Variants in METTL16 observed in about 807,000 individuals in gnomAD.
METTL16 encodes RNA N(6)-adenosine-methyltransferase METTL16.
In METTL16, 19 loss-of-function variants were observed where a neutral mutation model predicts 57.9. The ratio of observed to expected loss-of-function variants is 0.33; its 90% CI spans 0.23 to 0.48. The LOEUF (loss-of-function observed/expected upper bound fraction) is 0.48, where lower values mean the gene tolerates loss of function less well. METTL16 is among the 20% of genes least tolerant of loss of function. The probability of loss-of-function intolerance (pLI) is 0.99; values close to 1 mark genes in which losing one functional copy is unlikely to be tolerated. For missense variants in METTL16, 434 were observed against 691.5 expected (o/e 0.63, Z 4.18); for synonymous variants, 246 against 255.6 (o/e 0.96, Z 0.36).
At chr17:2,475,770 T>C (rs1157100967) in intron 3 of METTL16, among the ~76,000 whole-genome samples, 1 of 152,230 alleles carries the variant, frequency 6.6e-6, no homozygotes, top group Non-Finnish European at 1.5e-5. Flanking sequence ...TGATGGAGTC[T>C]GGGGGAAGAA....
Position 2,492,975 on chromosome 17 carries a change from C to G in METTL16, c.128+9229G>C, listed in dbSNP as rs117904002. ...CAAGACTGATACTTAACAAGACTAA[C>G]TTAGAAATGTCCCCTTTCCAAAACA... On this transcript the variant is annotated intron_variant, in intron 2 of 9. Transcript: ENST00000263092. 7.8e-3 allele frequency among the ~76,000 whole-genome samples: 1,180 copies of G among 150,440 alleles called. 41 individuals carry two copies. Among genetic ancestry groups the G allele is most frequent in the Admixed American group, 0.065 (974 of 15,078 alleles).
intron 8 of METTL16, among the ~76,000 whole-genome samples, chr17:2,428,468 C>T (rs2066836287): frequency 7.7e-6 from 1 of 130,556 alleles, no homozygotes; most frequent in Admixed American, 8.9e-5. Context: ...GCAGAGCTTG[C>T]AGTGAGCTGA....
At chr17:2,496,480 A>T (rs1472228553) in intron 2 of METTL16, among the ~76,000 whole-genome samples, 1 of 151,552 alleles carries the variant, frequency 6.6e-6, no homozygotes, top group Non-Finnish European at 1.5e-5. Context: ...GTTTTTAAAA[A>T]TTTCTATACT....
chr17:2,499,967 T>C (rs768546874), intron 2 of METTL16, among the ~76,000 whole-genome samples: 3 of 152,184 alleles, frequency 2.0e-5, no homozygotes, highest in Non-Finnish European at 4.4e-5. Context: ...TTGGCCAGGC[T>C]GGTCTTGAAC....
At chr17:2,485,737 T>C (rs9896161) in intron 2 of METTL16, among the ~76,000 whole-genome samples, 3,062 of 152,272 alleles carry the variant, frequency 0.02, 60 homozygotes, top group African/African-American at 0.052. Context: ...GCTAGGGATA[T>C]TGCAGTAAGC....
intron 2 of METTL16, among the ~76,000 whole-genome samples, chr17:2,501,450 A>G (rs1856536167): frequency 6.6e-6 from 1 of 152,158 alleles, no homozygotes; most frequent in Non-Finnish European, 1.5e-5. Flanking sequence ...TAAATAAATA[A>G]AAATAAATCA....
rs986080554 is a variant in METTL16 at position 2,499,098 on chromosome 17, C to A, written c.128+3106G>T. On this transcript the variant is annotated intron_variant, in intron 2 of 9. Transcript: ENST00000263092. ...GGGTACGGTCTCCTTTTCATGTGAT[C>A]CCACTGCACATCCCCCGGATTCTCC... Among the ~76,000 whole-genome samples, 16 of 151,674 alleles carry A rather than the reference C, an allele frequency of 1.1e-4. 1 individual carries two copies. Among genetic ancestry groups the A allele is most frequent in the Admixed American group, 5.3e-4 (8 of 15,234 alleles).
chr17:2,479,754 C>CCAAT (rs2061570688), intron 2 of METTL16, among the ~76,000 whole-genome samples: 2 of 152,184 alleles, frequency 1.3e-5, no homozygotes, highest in South Asian at 4.2e-4. Context: ...TACCATCAAC[C>CCAAT]CAATCTCTCT....
intron 1 of METTL16, among the ~76,000 whole-genome samples, chr17:2,503,855 T>C (rs1027556613): frequency 7.9e-5 from 12 of 151,816 alleles, no homozygotes; most frequent in African/African-American, 2.7e-4. Flanking sequence ...ATCAACAAAA[T>C]ACGGTATATC....
chr17:2,505,478 G>A (rs765874991), intron 1 of METTL16, among the ~76,000 whole-genome samples: 23 of 127,014 alleles, frequency 1.8e-4, no homozygotes, highest in Admixed American at 1.5e-3. Flanking sequence ...TGAACTCCTG[G>A]CCTCAAGCAA....
At chr17:2,466,818 A>C (rs1277180396) in intron 5 of METTL16, among the ~76,000 whole-genome samples, 2 of 151,596 alleles carry the variant, frequency 1.3e-5, no homozygotes, top group African/African-American at 4.9e-5. Context: ...TTTTCCCAAA[A>C]TATTTTTTTT....
chr17:2,428,389 G>T (rs573397742), intron 8 of METTL16, among the ~76,000 whole-genome samples: 3 of 151,340 alleles, frequency 2.0e-5, no homozygotes, highest in Non-Finnish European at 4.4e-5. Context: ...CATGGCCAAA[G>T]GCGGTTAACT....
chr17:2,507,494 G>T (rs2067552449), intron 1 of METTL16, among the ~76,000 whole-genome samples: 1 of 148,776 alleles, frequency 6.7e-6, no homozygotes, highest in African/African-American at 2.5e-5. Flanking sequence ...CCCTGTCCGG[G>T]AGGGAGGTGG....
At chr17:2,506,844 C>T (rs1457964204) in intron 1 of METTL16, among the ~76,000 whole-genome samples, 9 of 151,410 alleles carry the variant, frequency 5.9e-5, no homozygotes, top group Non-Finnish European at 1.3e-4. Context: ...AAGTGAGGAG[C>T]GTCTCTGCCC....
chr17:2,467,236 G>A (rs1027240666), intron 5 of METTL16, among the ~76,000 whole-genome samples: 1 of 152,136 alleles, frequency 6.6e-6, no homozygotes, highest in Non-Finnish European at 1.5e-5. Context: ...TCAAAAGCGA[G>A]GCACTGCAGC....
chr17:2,489,062 T>C (rs535736262), intron 2 of METTL16, among the ~76,000 whole-genome samples: 1 of 151,752 alleles, frequency 6.6e-6, no homozygotes, highest in Admixed American at 6.6e-5. Context: ...AAAATCCTAC[T>C]GGCAAAATAA....
At position 2,487,031 on chromosome 17, in the gene METTL16, A is replaced by T. The variant is rs904286673; in HGVS notation, c.129-9146T>A. On this transcript the variant is annotated intron_variant, in intron 2 of 9. Coordinates refer to ENST00000263092, the MANE Select transcript of METTL16 (RefSeq NM_024086.4). Reference sequence around the variant, plus strand: ...AAAAAAAAAAAAAAAAAAAAAGGCTATATCTAGATAAAGGTAGCAATGGCA... The same window carrying T: ...AAAAAAAAAAAAAAAAAAAAAGGCTTTATCTAGATAAAGGTAGCAATGGCA... Among the ~76,000 whole-genome samples the T allele has an allele frequency of 6.2e-5, 9 of 144,598 alleles. No individual in the cohort carries two copies. The East Asian group carries it at 1.6e-3, about 26-fold the overall frequency. The allele number at this position is 144,598 out of a possible 152,430, so 94.9% of individuals were successfully genotyped here. A position where few individuals can be genotyped will look rare whatever the true frequency, so the allele number is the denominator to read the frequency against.
At chr17:2,458,893 A>G (rs1320958235) in intron 6 of METTL16, among the ~76,000 whole-genome samples, 1 of 151,100 alleles carries the variant, frequency 6.6e-6, no homozygotes, top group Non-Finnish European at 1.5e-5. Context: ...TGTAGCCTCG[A>G]CCTCCTGGGC....
intron 4 of METTL16, among the ~76,000 whole-genome samples, chr17:2,468,900 GTTT>G (rs80264339): frequency 0.02 from 2,834 of 143,934 alleles, 69 homozygotes; most frequent in African/African-American, 0.068. Context: ...ATAAAAAAAT[GTTT>G]TTTTTTTGTT....
Sources: allele counts gnomAD v4.1 joint callset (sites outside exome capture counted in the v4.1 genomes callset), GRCh38; gene constraint gnomAD v4.1.1; transcripts MANE v1.5; gene names NCBI Gene and HGNC (gene_info 2026-07-23, HGNC 2026-07-21).